ZBTB20: variants seen among roughly 807,000 people sequenced by gnomAD.
The protein encoded by ZBTB20 is zinc finger and BTB domain-containing protein 20.
A neutral mutation model predicts 56.9 loss-of-function variants in ZBTB20; 9 were observed. The ratio of observed to expected loss-of-function variants is 0.16; its 90% CI spans 0.10 to 0.28. ZBTB20 has a LOEUF of 0.28. Ranked by LOEUF, ZBTB20 falls within the 10% of genes least tolerant of loss-of-function variation. The probability of loss-of-function intolerance (pLI) is 1.00; values close to 1 mark genes in which losing one functional copy is unlikely to be tolerated. For missense variants in ZBTB20, 655 were observed against 1,003.0 expected (o/e 0.65, Z 4.69); for synonymous variants, 417 against 420.7 (o/e 0.99, Z 0.11).
intron 5 of ZBTB20, among the ~76,000 whole-genome samples, chr3:114,745,310 C>G (rs540204477): frequency 1.3e-5 from 2 of 152,232 alleles, no homozygotes; most frequent in South Asian, 4.1e-4. Flanking sequence ...TGTTATTTTC[C>G]CTTAATACTT....
chr3:114,398,551 G>A (rs1368414993), intron 7 of ZBTB20, among the ~76,000 whole-genome samples: 1 of 152,124 alleles, frequency 6.6e-6, no homozygotes, highest in Non-Finnish European at 1.5e-5. Flanking sequence ...AGATACAGAA[G>A]AGCAAAGGCA....
chr3:114,512,024 T>C (rs1377377319), intron 6 of ZBTB20, among the ~76,000 whole-genome samples: 2 of 152,156 alleles, frequency 1.3e-5, no homozygotes, highest in Non-Finnish European at 2.9e-5. Context: ...CAGTAGACTT[T>C]TTCAGGCTCA....
At chr3:114,382,514 A>G (rs965577080) in intron 8 of ZBTB20, among the ~76,000 whole-genome samples, 6 of 152,116 alleles carry the variant, frequency 3.9e-5, no homozygotes, top group Non-Finnish European at 8.8e-5. Context: ...TGAATATCCC[A>G]TATTTCATCT....
At chr3:114,431,025 A>G (rs1219471279) in intron 7 of ZBTB20, among the ~76,000 whole-genome samples, 5 of 152,178 alleles carry the variant, frequency 3.3e-5, no homozygotes, top group African/African-American at 1.2e-4. Context: ...AAGCTGGGGC[A>G]TTTGGAGAGT....
intron 4 of ZBTB20, among the ~76,000 whole-genome samples, chr3:114,852,903 C>A (rs2075070979): frequency 6.6e-6 from 1 of 152,158 alleles, no homozygotes; most frequent in African/African-American, 2.4e-5. Flanking sequence ...ACCAACTCGA[C>A]CGTGCACATT....
chr3:114,446,310 A>T (rs999676790), intron 7 of ZBTB20, among the ~76,000 whole-genome samples: 22 of 152,272 alleles, frequency 1.4e-4, no homozygotes, highest in African/African-American at 5.3e-4. Flanking sequence ...CTTTAAGTAT[A>T]TTGATCATTT....
At chr3:114,576,743 C>T (rs1287206516) in intron 6 of ZBTB20, among the ~76,000 whole-genome samples, 1 of 151,160 alleles carries the variant, frequency 6.6e-6, no homozygotes, top group Non-Finnish European at 1.5e-5. Flanking sequence ...TTTAAAACTT[C>T]AAATTGCTAG....
intron 7 of ZBTB20, among the ~76,000 whole-genome samples, chr3:114,395,131 G>A (rs969843425): frequency 6.6e-6 from 1 of 152,006 alleles, no homozygotes; most frequent in African/African-American, 2.4e-5. Flanking sequence ...CACTTCCCTC[G>A]TTTCTTTGCC....
chr3:114,548,860 T>G (rs2050221665), intron 6 of ZBTB20, among the ~76,000 whole-genome samples: 1 of 152,190 alleles, frequency 6.6e-6, no homozygotes, highest in Non-Finnish European at 1.5e-5. Context: ...AAGCAAAGGT[T>G]GCATAAACAA....
intron 10 of ZBTB20, among the ~76,000 whole-genome samples, chr3:114,369,305 G>A (rs932413277): frequency 9.9e-5 from 15 of 152,066 alleles, no homozygotes; most frequent in Middle Eastern, 3.2e-3. Context: ...ACATAACCAA[G>A]CTAAAACTAG....
intron 2 of ZBTB20, among the ~76,000 whole-genome samples, chr3:115,069,375 C>T (rs190581018): frequency 6.6e-6 from 1 of 152,200 alleles, no homozygotes; most frequent in African/African-American, 2.4e-5. Flanking sequence ...GTCAGAAACA[C>T]GTTGGCTAGA....
intron 7 of ZBTB20, among the ~76,000 whole-genome samples, chr3:114,453,328 T>C (rs1576831938): frequency 6.6e-6 from 1 of 152,146 alleles, no homozygotes; most frequent in African/African-American, 2.4e-5. Context: ...ATTTACATAA[T>C]TAGAAACAAA....
At chr3:114,636,125 T>C (rs1217162944) in intron 6 of ZBTB20, among the ~76,000 whole-genome samples, 1 of 152,086 alleles carries the variant, frequency 6.6e-6, no homozygotes, top group Non-Finnish European at 1.5e-5. Context: ...TAAGATGACA[T>C]ATTCAAAGTA....
chr3:114,537,619 AG>A (rs2048628170), intron 6 of ZBTB20, among the ~76,000 whole-genome samples: 2 of 152,224 alleles, frequency 1.3e-5, no homozygotes, highest in Admixed American at 6.5e-5. Flanking sequence ...CATTTGACCC[AG>A]CGATCCCATT....
chr3:115,010,998 C>T (rs2079679588), intron 2 of ZBTB20, among the ~76,000 whole-genome samples: 1 of 138,752 alleles, frequency 7.2e-6, no homozygotes, highest in South Asian at 2.1e-4. Flanking sequence ...CTTTAACATA[C>T]AATTGGCCTA....
chr3:114,416,763 C>A (rs540864355), intron 7 of ZBTB20, among the ~76,000 whole-genome samples: 2 of 152,118 alleles, frequency 1.3e-5, no homozygotes, highest in East Asian at 3.9e-4. Context: ...AAATATGCTC[C>A]GGTTTGAAAC....
At chr3:114,537,058 C>T (rs918074844) in intron 6 of ZBTB20, among the ~76,000 whole-genome samples, 2 of 152,122 alleles carry the variant, frequency 1.3e-5, no homozygotes, top group Non-Finnish European at 2.9e-5. Context: ...GTAGGCGATA[C>T]CATTCAGGAC....
At chr3:114,481,944 C>T (rs907186756) in intron 7 of ZBTB20, among the ~76,000 whole-genome samples, 28 of 152,214 alleles carry the variant, frequency 1.8e-4, no homozygotes, top group African/African-American at 6.8e-4. Context: ...TTGCCACTCA[C>T]AAGTGTCTCA....
intron 7 of ZBTB20, among the ~76,000 whole-genome samples, chr3:114,471,694 T>C (rs891534726): frequency 1.3e-5 from 2 of 152,182 alleles, no homozygotes; most frequent in African/African-American, 4.8e-5. Context: ...AATAAAACAT[T>C]GTGTGTTGGA....
Sources: allele counts gnomAD v4.1 joint callset (sites outside exome capture counted in the v4.1 genomes callset), GRCh38; gene constraint gnomAD v4.1.1; transcripts MANE v1.5; gene names NCBI Gene and HGNC (gene_info 2026-07-23, HGNC 2026-07-21).